Variants in NAA38 observed in about 807,000 individuals in gnomAD.
NAA38 encodes the protein N-alpha-acetyltransferase 38, NatC auxiliary subunit, also known as LSM domain containing 1.
A neutral mutation model predicts 12.6 loss-of-function variants in NAA38; 15 were observed. That is an observed-to-expected ratio of 1.19 (90% CI 0.79 to 1.83). The LOEUF (loss-of-function observed/expected upper bound fraction) is 1.83. Ranked by LOEUF, NAA38 falls within the 40% of genes most tolerant of loss-of-function variation. The probability of loss-of-function intolerance (pLI) is 0.00; values close to 1 mark genes in which losing one functional copy is unlikely to be tolerated. For missense variants in NAA38, 183 were observed against 171.7 expected, an observed-to-expected ratio of 1.07 and a Z score of -0.37; for synonymous variants, 88 against 69.9, an observed-to-expected ratio of 1.26 and a Z score of -1.29.
intron 3 of NAA38, chr17:7,864,371 A>G (rs1966926460): frequency 6.6e-6 from 1 of 152,242 alleles, no homozygotes; most frequent in African/African-American, 2.4e-5. Context: ...TAAAGGCTTA[A>G]GTGCAGTGGT....
Position 7,879,617 on chromosome 17 carries a change from C to T in NAA38, c.-66+3618G>A, listed in dbSNP as rs1009130233. ...CAGCTGAATATTTGAGTTCTTTGTT[C>T]TCACCTTAATAGTCTTCTCATTAAA... On this transcript the variant is annotated intron_variant, in intron 2 of 4. Coordinates refer to the NAA38 transcript ENST00000576861. Among the ~76,000 whole-genome samples the T allele has an allele frequency of 2.8e-4, 42 of 150,570 alleles. 1 individual carries two copies. Among genetic ancestry groups the T allele is most frequent in the Admixed American group, 1.3e-4 (2 of 14,964 alleles).
chr17:7,858,098 G>GT, upstream of NAA38: 1 of 1,611,084 alleles, frequency 6.2e-7, no homozygotes, highest in East Asian at 2.2e-5. Flanking sequence ...GAGCAAAGGA[G>GT]TAACCAAGAG....
chr17:7,877,583 G>A (rs1967197696), intron 2 of NAA38, among the ~76,000 whole-genome samples: 1 of 151,880 alleles, frequency 6.6e-6, no homozygotes, highest in Non-Finnish European at 1.5e-5. Context: ...GGAGATTTAG[G>A]GTGTTTCCAG....
At chr17:7,875,478 G>A (rs1427965808) in intron 2 of NAA38, among the ~76,000 whole-genome samples, 1 of 152,100 alleles carries the variant, frequency 6.6e-6, no homozygotes, top group East Asian at 1.9e-4. Flanking sequence ...AGGACTACAG[G>A]CATGAGCCAC....
chr17:7,884,457 CATATATATATATAT>C (rs377079849), intron 1 of NAA38, among the ~76,000 whole-genome samples: 1 of 130,834 alleles, frequency 7.6e-6, no homozygotes, highest in African/African-American at 2.9e-5. Context: ...TATATATATA[CATATATATATATAT>C]ATATATGTAT....
chr17:7,867,486 G>A (rs185339681), intron 2 of NAA38, among the ~76,000 whole-genome samples: 1 of 152,108 alleles, frequency 6.6e-6, no homozygotes, highest in African/African-American at 2.4e-5. Flanking sequence ...TTACAGGCGT[G>A]CACCACCACA....
At chr17:7,878,669 T>C (rs1369248151) in intron 2 of NAA38, among the ~76,000 whole-genome samples, 1 of 152,142 alleles carries the variant, frequency 6.6e-6, no homozygotes, top group African/African-American at 2.4e-5. Context: ...GAGGTTGCAG[T>C]GAGCTGAGAT....
At chr17:7,885,070 GC>G in intron 1 of NAA38, 1 of 980,482 alleles carries the variant, frequency 1.0e-6, no homozygotes, top group African/African-American at 1.8e-5. Flanking sequence ...CGCCGCCGCC[GC>G]CCCCGCCGCC....
chr17:7,866,306 T>C (rs1363917988), intron 3 of NAA38, among the ~76,000 whole-genome samples: 58 of 146,660 alleles, frequency 4.0e-4, no homozygotes, highest in Non-Finnish European at 5.4e-4. Flanking sequence ...GACGGGGTTT[T>C]ACCGTGTTAG....
intron 2 of NAA38, among the ~76,000 whole-genome samples, chr17:7,874,244 TAGA>T (rs1967135714): frequency 6.6e-6 from 1 of 152,046 alleles, no homozygotes; most frequent in South Asian, 2.1e-4. Context: ...ATGAGGGGGC[TAGA>T]AGGATAGAAA....
intron 3 of NAA38, chr17:7,865,370 A>C (rs1257341462): frequency 6.6e-6 from 1 of 152,202 alleles, no homozygotes; most frequent in Non-Finnish European, 1.5e-5. Flanking sequence ...CAAACATAGG[A>C]TGCTATTCTA....
chr17:7,885,020 C>A, intron 1 of NAA38: 2 of 1,207,684 alleles, frequency 1.7e-6, no homozygotes, highest in Non-Finnish European at 2.1e-6. Context: ...CGGCTGCCAC[C>A]TCTTCCCGCC....
chr17:7,866,631 C>G (rs955806136), intron 2 of NAA38: 2 of 756,440 alleles, frequency 2.6e-6, no homozygotes, highest in Non-Finnish European at 1.8e-6. Context: ...ATCCACCCAC[C>G]ACTCTTCAGT....
At chr17:7,881,879 G>C (rs1967278691) in intron 2 of NAA38, among the ~76,000 whole-genome samples, 1 of 151,446 alleles carries the variant, frequency 6.6e-6, no homozygotes, top group African/African-American at 2.4e-5. Context: ...CAAACAGCCA[G>C]AGAAGCAGAC....
chr17:7,877,280 T>C (rs937549322), intron 2 of NAA38, among the ~76,000 whole-genome samples: 36 of 152,192 alleles, frequency 2.4e-4, no homozygotes, highest in African/African-American at 8.2e-4. Context: ...GTATGTACAC[T>C]TCCAGCATTT....
intron 2 of NAA38, among the ~76,000 whole-genome samples, chr17:7,869,214 T>G (rs937960924): frequency 5.9e-5 from 9 of 152,198 alleles, no homozygotes; most frequent in Non-Finnish European, 1.3e-4. Flanking sequence ...AGATAGGCAT[T>G]AATACACCAT....
chr17:7,866,248 G>A (rs1230776652), intron 3 of NAA38, among the ~76,000 whole-genome samples: 5 of 141,052 alleles, frequency 3.5e-5, no homozygotes, highest in African/African-American at 5.4e-5. Context: ...CACCAAGCCC[G>A]GCTAATTTTT....
chr17:7,878,589 G>A (rs1230240623), intron 2 of NAA38, among the ~76,000 whole-genome samples: 1 of 152,110 alleles, frequency 6.6e-6, no homozygotes, highest in Non-Finnish European at 1.5e-5. Flanking sequence ...CGGGTGTGGT[G>A]GTGGCACGCG....
chr17:7,885,135 CGCGAAGCCGG>C, intron 1 of NAA38: 7 of 981,242 alleles, frequency 7.1e-6, no homozygotes, highest in Non-Finnish European at 8.4e-6. Context: ...GCCGCGGGCG[CGCGAAGCCGG>C]GCGGGGGCGA....
Sources: gnomAD v4.1 joint callset for allele counts (sites outside exome capture counted in the v4.1 genomes callset) on GRCh38, gnomAD v4.1.1 for gene constraint, MANE v1.5 for transcripts, NCBI Gene and HGNC (gene_info 2026-07-23, HGNC 2026-07-21) for gene names.